ALKBH4: variants seen among roughly 807,000 people sequenced by gnomAD.
ALKBH4 encodes alkB homolog 4, lysine demethylase, also known as alpha-ketoglutarate-dependent dioxygenase alkB homolog 4.
Under a neutral mutation model 12.1 loss-of-function variants are expected in ALKBH4, and 8 were observed. The ratio of observed to expected loss-of-function variants is 0.66; its 90% confidence interval spans 0.39 to 1.19. ALKBH4 has a LOEUF of 1.19. Ranked by LOEUF, ALKBH4 falls within the 50% of genes most tolerant of loss-of-function variation. The pLI is 0.01. For synonymous variants in ALKBH4, 195 were observed against 191.6 expected, an observed-to-expected ratio of 1.02 and a Z score of -0.15; for missense variants, 403 against 430.4, an observed-to-expected ratio of 0.94 and a Z score of 0.56.
intron 2 of ALKBH4, 78 bp downstream of exon 2, chr7:102,459,526 G>GGA: frequency 6.7e-7 from 1 of 1,500,106 alleles, no homozygotes; most frequent in Non-Finnish European, 9.0e-7. Context: ...GTGGCTGCAA[G>GGA]GAGGGGGATG....
chr7:102,461,730 A>G (rs563898901), intron 1 of ALKBH4, among the ~76,000 whole-genome samples: 1 of 152,282 alleles, frequency 6.6e-6, no homozygotes, highest in Admixed American at 6.5e-5. Context: ...GGCACTGAAC[A>G]TTTTACATGG....
At chr7:102,464,656 T>A (rs1477960546) in intron 1 of ALKBH4, 58 bp downstream of exon 1, 2 of 1,466,628 alleles carry the variant, frequency 1.4e-6, no homozygotes, top group African/African-American at 1.5e-5. Flanking sequence ...AAGCTGGACC[T>A]CAGTTTCCCC....
At chr7:102,461,258 AC>A (rs752734164) in intron 1 of ALKBH4, among the ~76,000 whole-genome samples, 18 of 151,886 alleles carry the variant, frequency 1.2e-4, no homozygotes, top group Non-Finnish European at 2.2e-4. Context: ...AATCCCTTGA[AC>A]CCGGGAGGTG....
intron 1 of ALKBH4, among the ~76,000 whole-genome samples, chr7:102,462,070 C>T (rs191146696): frequency 4.9e-4 from 75 of 152,348 alleles, no homozygotes; most frequent in Non-Finnish European, 9.8e-4. Flanking sequence ...GGCCCTCCCA[C>T]GGGAAACATT....
chr7:102,460,500 G>C (rs1177731879), intron 1 of ALKBH4, among the ~76,000 whole-genome samples: 1 of 152,206 alleles, frequency 6.6e-6, no homozygotes. Context: ...CAGGCTGACC[G>C]GGGAAGGCCC....
chr7:102,464,595 C>T lies in ALKBH4; in HGVS notation c.123+119G>A, dbSNP rs1416768751. 4 of 1,374,998 alleles carry T rather than the reference C, an allele frequency of 2.9e-6. No individual in the cohort carries two copies. In the African/African-American group the frequency reaches 6.0e-5, roughly 21 times the overall value. The allele number at this position is 1,374,998 out of a possible 1,614,324, so 85.2% of individuals were successfully genotyped here. A position where few individuals can be genotyped will look rare whatever the true frequency, so the allele number is the denominator to read the frequency against. On this transcript the variant is annotated intron_variant, in intron 1 of 2. Transcript: ENST00000292566. ...CCCTCATCTCCTCACCCTGCATCAC[C>T]CCTACCGTAAGGGTCCCTCACAGGC... is the stretch of plus-strand genomic sequence containing the variant.
Position 102,464,738 on chromosome 7 carries a change from G to C in ALKBH4, c.99C>G (p.Asp33Glu), listed in dbSNP as rs770165043. 4.5e-6 allele frequency: 7 copies of C among 1,563,700 alleles called. No individual in the cohort carries two copies. In the South Asian group the frequency reaches 5.8e-5, roughly 13 times the overall value. ...CLICERQRGS[D>E]PPWELPPAKT... ...CCGCTGGGGGCAGCTCCCAGGGCGG[G>C]TCACTGCCGCGCTGCCGCTCGCAGA... Residue 33 changes from aspartate to glutamate, a missense_variant, in exon 1 of 3, where the codon GAC (aspartate) becomes GAG (glutamate). Asp to Glu is a conservative substitution (Grantham distance 45, BLOSUM62 2). Transcript: ENST00000292566.
rs1175252974 is a variant in ALKBH4 at position 102,457,938 on chromosome 7, G to T, written c.365C>A (p.Thr122Asn). Residue 122 changes from threonine (T) to asparagine (N), a missense_variant, in exon 3 of 3, where the codon ACC becomes AAC. Thr to Asn is a moderately conservative substitution (Grantham distance 65). Transcript: ENST00000292566. The surrounding 1 kb of genome is among the most constrained non-coding windows in gnomAD (Gnocchi z 5.9). ...KVNFRKQKLK[T>N]EGFCGLPSFS... Reference sequence around the variant, plus strand: ...GCTGGGGAGGCCGCAGAAGCCCTCGGTCTTTAGCTTCTGTTTCCGAAAGTT... The same window carrying T: ...GCTGGGGAGGCCGCAGAAGCCCTCGTTCTTTAGCTTCTGTTTCCGAAAGTT... 6.2e-7 allele frequency: 1 copy of T among 1,612,026 alleles called. No homozygotes were observed. Among genetic ancestry groups the T allele is most frequent in the Non-Finnish European group, 8.5e-7 (1 of 1,178,860 alleles).
At chr7:102,458,430 T>C (rs187428161) in intron 2 of ALKBH4, among the ~76,000 whole-genome samples, 1 of 152,134 alleles carries the variant, frequency 6.6e-6, no homozygotes, top group Non-Finnish European at 1.5e-5. Context: ...ATTAGACAGA[T>C]GTGGTGGCAC....
Position 102,457,843 on chromosome 7 carries a change from A to C in ALKBH4, c.460T>G (p.Cys154Gly). ...CGCTCGGGGCAGTAGTCCAGGTTGC[A>C]CTGCTCGACGGGCCGGAAGCCCTCC... ...GLEGFRPVEQCNLDYCPERGS... is the reference protein window; with the variant it reads ...GLEGFRPVEQGNLDYCPERGS... Residue 154 changes from cysteine to glycine, a missense_variant, in exon 3 of 3, where the codon TGC (cysteine) becomes GGC (glycine). Transcript: ENST00000292566. The surrounding 1 kb of genome is among the most constrained non-coding windows in gnomAD (Gnocchi z 5.9). 3 of 1,611,344 alleles carry C rather than the reference A, an allele frequency of 1.9e-6. No individual in the cohort carries two copies. Among genetic ancestry groups the C allele is most frequent in the Non-Finnish European group, 2.5e-6 (3 of 1,179,930 alleles).
Position 102,457,652 on chromosome 7 carries a change from G to A in ALKBH4, c.651C>T (p.Ser217=), listed in dbSNP as rs886712738. 8 of 1,572,102 alleles carry A rather than the reference G, an allele frequency of 5.1e-6. No individual in the cohort carries two copies. The highest frequency in any genetic ancestry group is 1.8e-5 in the Admixed American group (1 of 55,210). The change falls in exon 3 of 3, where the codon AGC becomes AGT. Residue 217 remains serine, a synonymous_variant. Transcript: ENST00000292566. This position sits in a 1 kb window ranked among gnomAD's most constrained non-coding sequence, Gnocchi z 5.9. The part of the protein sequence containing the change: ...PSAAPEALVD[S]VIAPSRSVLC... ...GCACCGACCGGCTGGGTGCTATCAC[G>A]CTGTCCACCAAGGCCTCCGGGGCAG...
chr7:102,464,046 C>T (rs555321289), intron 1 of ALKBH4, among the ~76,000 whole-genome samples: 12 of 152,066 alleles, frequency 7.9e-5, no homozygotes, highest in East Asian at 1.9e-4. Flanking sequence ...CCTCCCCCCC[C>T]CCACAACCTC....
rs758269134 is a variant in ALKBH4 at position 102,457,800 on chromosome 7, G to T, written c.503C>A (p.Pro168His). The T allele has an allele frequency of 1.4e-5, 23 of 1,607,438 alleles. No individual in the cohort carries two copies. The highest frequency in any genetic ancestry group is 2.7e-5 in the African/African-American group (2 of 74,912). The change falls in exon 3 of 3, where the codon CCC becomes CAC. Residue 168 changes from proline (P) to histidine (H), a missense_variant. Transcript: ENST00000292566. This position sits in a 1 kb window ranked among gnomAD's most constrained non-coding sequence, Gnocchi z 5.9. Reference sequence around the variant, plus strand: ...CCACAGCCAGGCGTCGTCCAGGTGGGGGTCAATGGCAGAGCCCCGCTCGGG... The same window carrying T: ...CCACAGCCAGGCGTCGTCCAGGTGGTGGTCAATGGCAGAGCCCCGCTCGGG... ...YCPERGSAID[P>H]HLDDAWLWGE...
In ALKBH4 at chr7:102,464,735, C is replaced by T; in HGVS notation, c.102G>A (p.Pro34=). The T allele has an allele frequency of 1.3e-6, 2 of 1,561,496 alleles. No homozygotes were observed. The highest frequency in any genetic ancestry group is 1.7e-6 in the Non-Finnish European group (2 of 1,157,320). The change falls in exon 1 of 3, where the codon CCG becomes CCA. Residue 34 remains proline (P), a synonymous_variant. Transcript: ENST00000292566. The part of the protein sequence containing the change: ...LICERQRGSD[P]PWELPPAKTY... ...TTACCGCTGGGGGCAGCTCCCAGGG[C>T]GGGTCACTGCCGCGCTGCCGCTCGC...
At chr7:102,464,459 G>C (rs1797887198) in intron 1 of ALKBH4, among the ~76,000 whole-genome samples, 2 of 152,092 alleles carry the variant, frequency 1.3e-5, no homozygotes, top group Non-Finnish European at 2.9e-5. Context: ...CCAGACCCGA[G>C]AGGCTACGTC....
At chr7:102,462,659 C>T (rs1444011132) in intron 1 of ALKBH4, among the ~76,000 whole-genome samples, 1 of 152,050 alleles carries the variant, frequency 6.6e-6, no homozygotes, top group Non-Finnish European at 1.5e-5. Flanking sequence ...TGAGCCACCG[C>T]ACCTGGCCCC....
intron 2 of ALKBH4, 135 bp from the exon 3 acceptor site, chr7:102,458,116 G>A (rs1797702480): frequency 9.5e-6 from 8 of 837,872 alleles, no homozygotes; most frequent in Non-Finnish European, 1.3e-5. Context: ...TGAAGCAGGA[G>A]GAGGCAGACT....
intron 2 of ALKBH4, among the ~76,000 whole-genome samples, chr7:102,458,887 G>A (rs1305823138): frequency 4.6e-5 from 7 of 152,026 alleles, no homozygotes; most frequent in South Asian, 2.1e-4. Flanking sequence ...GGTGGCTCAC[G>A]CCTGTAATCC....
intron 1 of ALKBH4, among the ~76,000 whole-genome samples, chr7:102,463,070 A>G (rs1351383006): frequency 7.1e-6 from 1 of 140,502 alleles, no homozygotes; most frequent in Non-Finnish European, 1.5e-5. Context: ...CAACCCTCCC[A>G]CCTCAGCCTC....
Sources: gnomAD v4.1 joint callset for allele counts (sites outside exome capture counted in the v4.1 genomes callset) on GRCh38, gnomAD v4.1.1 for gene constraint, Gnocchi (gnomAD v3.1) non-coding constraint, MANE v1.5 for transcripts, NCBI Gene and HGNC (gene_info 2026-07-23, HGNC 2026-07-21) for gene names.